The following RALGAPA2 variants were observed in gnomAD, a reference collection of about 807,000 sequenced individuals.
RALGAPA2 encodes ral GTPase-activating protein subunit alpha-2.
A neutral mutation model predicts 230.4 loss-of-function variants in RALGAPA2; 139 were observed. That is an observed-to-expected ratio of 0.60 (90% confidence interval 0.53 to 0.69). The LOEUF (loss-of-function observed/expected upper bound fraction) is 0.69, where lower values mean the gene tolerates loss of function less well. Ranked by LOEUF, RALGAPA2 falls within the 30% of genes least tolerant of loss-of-function variation. RALGAPA2 has a pLI of 0.00. For missense variants in RALGAPA2, 2,163 were observed against 2,276.0 expected, an observed-to-expected ratio of 0.95 and a Z score of 1.01; for synonymous variants, 847 against 837.8, an observed-to-expected ratio of 1.01 and a Z score of -0.19.
At chr20:20,455,016 TACACAA>T (rs1314419521) in intron 37 of RALGAPA2, among the ~76,000 whole-genome samples, 1 of 152,164 alleles carries the variant, frequency 6.6e-6, no homozygotes, top group African/African-American at 2.4e-5. Flanking sequence ...CACACATGCA[TACACAA>T]ACACAAACAC....
At chr20:20,682,705 G>A (rs906432777) in intron 1 of RALGAPA2, among the ~76,000 whole-genome samples, 4 of 152,110 alleles carry the variant, frequency 2.6e-5, no homozygotes, top group African/African-American at 4.8e-5. Context: ...AGTCTATCTC[G>A]TGAATCATTA....
chr20:20,624,483 G>A (rs901904559), intron 10 of RALGAPA2, among the ~76,000 whole-genome samples: 1 of 152,118 alleles, frequency 6.6e-6, no homozygotes, highest in Non-Finnish European at 1.5e-5. Context: ...CTATGGAACA[G>A]GATGAATTAA....
At position 20,629,461 on chromosome 20, in the gene RALGAPA2, T is replaced by C. The variant is rs557253645; in HGVS notation, c.1135A>G (p.Ser379Gly). ...ACCATTCGGTGCTCTTCTTCAATGC[T>C]ACAGAGGCTGGAGTTGCTGAGTCTT... The part of the protein sequence containing the change: ...DRRLSNSSLC[S>G]IEEEHRMVYE... Residue 379 changes from serine to glycine, a missense_variant, in exon 10 of 40, where the codon AGC becomes GGC. Transcript: ENST00000202677. 34 of 1,613,954 alleles carry C rather than the reference T, an allele frequency of 2.1e-5. No individual in the cohort carries two copies. In the South Asian group the frequency reaches 3.2e-4, roughly 15 times the overall value.
At chr20:20,565,429 T>C (rs2064384137) in intron 23 of RALGAPA2, among the ~76,000 whole-genome samples, 1 of 152,260 alleles carries the variant, frequency 6.6e-6, no homozygotes, top group Admixed American at 6.5e-5. Context: ...AATTTACAAG[T>C]ATCACCCCTG....
intron 18 of RALGAPA2, among the ~76,000 whole-genome samples, chr20:20,587,930 C>T (rs1024792957): frequency 2.0e-5 from 3 of 151,972 alleles, no homozygotes; most frequent in Admixed American, 6.6e-5. Context: ...CAAAATAAGA[C>T]ATCTTATTTT....
intron 23 of RALGAPA2, among the ~76,000 whole-genome samples, chr20:20,550,687 G>A (rs2063899356): frequency 6.6e-6 from 1 of 152,136 alleles, no homozygotes; most frequent in Non-Finnish European, 1.5e-5. Context: ...GTGACTGTGG[G>A]CAGATCATGT....
rs768820427 is a variant in RALGAPA2, at chr20:20,571,832, A to C, written c.3000+16T>G. Reference sequence around the variant, plus strand: ...AGAGGAAATCGCAATAAAGGAATAAACACATATCCACTTGCCTTAAACAGC... The same window carrying C: ...AGAGGAAATCGCAATAAAGGAATAACCACATATCCACTTGCCTTAAACAGC... On this transcript the variant is annotated intron_variant, in intron 22 of 39. Transcript: ENST00000202677. 28 of 1,582,670 alleles carry C rather than the reference A, an allele frequency of 1.8e-5. No individual in the cohort carries two copies. The highest frequency in any genetic ancestry group is 2.3e-5 in the Non-Finnish European group (26 of 1,154,866).
intron 32 of RALGAPA2, 67 bp downstream of exon 32, chr20:20,512,446 A>G (rs1298360309): frequency 7.1e-7 from 1 of 1,399,802 alleles, no homozygotes; most frequent in Non-Finnish European, 9.5e-7. Flanking sequence ...CCAACCACAA[A>G]CTGATAAAAA....
chr20:20,637,860 T>C (rs1199234818), intron 7 of RALGAPA2, among the ~76,000 whole-genome samples: 1 of 152,188 alleles, frequency 6.6e-6, no homozygotes, highest in East Asian at 1.9e-4. Flanking sequence ...CAATCAGGTG[T>C]TTTTTTCTAA....
At chr20:20,624,052 C>T (rs6515113) in intron 10 of RALGAPA2, among the ~76,000 whole-genome samples, 5,840 of 152,166 alleles carry the variant, frequency 0.038, 412 homozygotes, top group African/African-American at 0.13. Flanking sequence ...AGACGCTGGA[C>T]GCGGTAGCTC....
rs565026830 is a variant in RALGAPA2, at chr20:20,482,355, G to A, written c.5368-9399C>T. 5.9e-5 allele frequency among the ~76,000 whole-genome samples: 9 copies of A among 152,262 alleles called. No individual in the cohort carries two copies. In the East Asian group the frequency reaches 1.2e-3, roughly 20 times the overall value. On this transcript the variant is annotated intron_variant, in intron 36 of 39. Coordinates refer to ENST00000202677, the MANE Select transcript of RALGAPA2 (RefSeq NM_020343.4). ...AGGGAAAAAAAGCTTTAGGGTGGAC[G>A]CAGATAAAATATTCTGAAGCTACAG...
rs1490002835 is a variant in RALGAPA2, at chr20:20,639,873, G to C, written c.578C>G (p.Pro193Arg). The change falls in exon 7 of 40, where the codon CCA becomes CGA. Residue 193 changes from proline (P) to arginine (R), a missense_variant. Transcript: ENST00000202677. ...CTCCCCTGATATGGCTGGTAGGAGT[G>C]GAGTGATTTCTTCTGGATATATCTT... ...DVKIYPEEIT[P>R]LLPAISGEKI... 1 of 1,613,194 alleles carries C rather than the reference G, an allele frequency of 6.2e-7. No homozygotes were observed. Among genetic ancestry groups the C allele is most frequent in the Non-Finnish European group, 8.5e-7 (1 of 1,179,186 alleles).
In RALGAPA2 at chr20:20,437,206, C is replaced by T. The variant is rs990841208; in HGVS notation, c.5496-25058G>A. ...TAAATGGGGAAATTAAGGAGACTGG[C>T]AACCACAAACCACTCTGAACGTCCT... On this transcript the variant is annotated intron_variant, in intron 37 of 39. Coordinates refer to ENST00000202677, the MANE Select transcript of RALGAPA2 (RefSeq NM_020343.4). This position sits in a 1 kb window ranked among gnomAD's most constrained non-coding sequence, Gnocchi z 4.1. Among the ~76,000 whole-genome samples, 2 of 152,192 alleles carry T rather than the reference C, an allele frequency of 1.3e-5. No individual in the cohort carries two copies. Among genetic ancestry groups the T allele is most frequent in the Non-Finnish European group, 2.9e-5 (2 of 68,024 alleles).
chr20:20,586,218 C>T (rs919525135), intron 18 of RALGAPA2, among the ~76,000 whole-genome samples: 4 of 152,114 alleles, frequency 2.6e-5, no homozygotes, highest in Non-Finnish European at 4.4e-5. Flanking sequence ...AAGAAACTTC[C>T]AAGAAATCTA....
chr20:20,403,298 G>C (rs1352724299), intron 38 of RALGAPA2, among the ~76,000 whole-genome samples: 1 of 152,216 alleles, frequency 6.6e-6, no homozygotes, highest in East Asian at 1.9e-4. Flanking sequence ...TTTATGGGAT[G>C]AATGTCTGAA....
At chr20:20,650,783 C>G (rs188274781) in intron 4 of RALGAPA2, among the ~76,000 whole-genome samples, 5 of 152,296 alleles carry the variant, frequency 3.3e-5, no homozygotes, top group Non-Finnish European at 1.5e-5. Context: ...ACAACTCAGT[C>G]AAGACCCGGA....
At chr20:20,635,658 T>A (rs1346128688) in intron 8 of RALGAPA2, 41 bp from the exon 9 acceptor site, 1 of 1,437,688 alleles carries the variant, frequency 7.0e-7, no homozygotes, top group Non-Finnish European at 9.4e-7. Flanking sequence ...GGTTAATAAA[T>A]CATAACATTA....
At chr20:20,688,262 C>T (rs961434063) in intron 1 of RALGAPA2, among the ~76,000 whole-genome samples, 10 of 151,642 alleles carry the variant, frequency 6.6e-5, no homozygotes, top group African/African-American at 2.2e-4. Flanking sequence ...GCCAACACTG[C>T]GCCACTGCAC....
At chr20:20,690,741 C>T (rs924843723) in intron 1 of RALGAPA2, among the ~76,000 whole-genome samples, 1 of 152,130 alleles carries the variant, frequency 6.6e-6, no homozygotes, top group African/African-American at 2.4e-5. Flanking sequence ...TACCACCAGG[C>T]CTAAGATGAG....
Sources: gnomAD v4.1 joint callset for allele counts (sites outside exome capture counted in the v4.1 genomes callset) on GRCh38, gnomAD v4.1.1 for gene constraint, Gnocchi (gnomAD v3.1) non-coding constraint, MANE v1.5 for transcripts, NCBI Gene and HGNC (gene_info 2026-07-23, HGNC 2026-07-21) for gene names.